The following CLDN16 variants were observed in gnomAD, a reference collection of about 807,000 sequenced individuals.
CLDN16 encodes the protein claudin 16.
Under a neutral mutation model 24.6 loss-of-function variants are expected in CLDN16, and 13 were observed. The ratio of observed to expected loss-of-function variants is 0.53; its 90% confidence interval spans 0.34 to 0.84. CLDN16 has a LOEUF of 0.84. Among genes scored for constraint, CLDN16 ranks in the 40% least tolerant of loss-of-function variants. The pLI, the probability that CLDN16 is intolerant of heterozygous loss-of-function variation, is 0.01. For missense variants in CLDN16, 298 were observed against 292.7 expected (o/e 1.02, Z -0.13); for synonymous variants, 116 against 106.7 (o/e 1.09, Z -0.54).
At chr3:190,321,506 T>A (rs1318932280), upstream of CLDN16, among the ~76,000 whole-genome samples, 1 of 152,146 alleles carries the variant, frequency 6.6e-6, no homozygotes, top group Non-Finnish European at 1.5e-5. Context: ...TATGAAAAAA[T>A]CATATTAAAG....
intron 1 of CLDN16, among the ~76,000 whole-genome samples, chr3:190,391,943 G>C (rs921128773): frequency 6.6e-6 from 1 of 151,688 alleles, no homozygotes. Context: ...TCAAGCGTAT[G>C]TTTGCATCTT....
chr3:190,392,621 C>T (rs1437756119), intron 1 of CLDN16, among the ~76,000 whole-genome samples: 1 of 152,120 alleles, frequency 6.6e-6, no homozygotes, highest in East Asian at 1.9e-4. Context: ...CTTGGATAAC[C>T]AGTGAAAGCT....
At chr3:190,319,717 T>C (rs1716867227), upstream of CLDN16, among the ~76,000 whole-genome samples, 1 of 152,218 alleles carries the variant, frequency 6.6e-6, no homozygotes, top group African/African-American at 2.4e-5. Flanking sequence ...ATGCAGCTTT[T>C]TTCTGAGTGA....
intron 1 of CLDN16, 119 bp downstream of exon 1, chr3:190,388,562 C>T (rs1718569707): frequency 9.5e-6 from 8 of 842,998 alleles, no homozygotes; most frequent in South Asian, 5.3e-5. Context: ...AAATAGGCAA[C>T]ATGGACTATT....
At chr3:190,342,684 C>T (rs1236504403) in intron 1 of CLDN16, among the ~76,000 whole-genome samples, 1 of 152,148 alleles carries the variant, frequency 6.6e-6, no homozygotes, top group African/African-American at 2.4e-5. Flanking sequence ...AACTAATTTT[C>T]ACCATAGATA....
At position 190,411,928 on chromosome 3, in the gene CLDN16, G is replaced by A. The variant is rs969512543; in HGVS notation, c.*1892G>A. On this transcript the variant is annotated 3_prime_UTR_variant, in exon 5 of 5. Coordinates refer to ENST00000264734, the MANE Select transcript of CLDN16 (RefSeq NM_006580.4). ...ATTCCCATTTTTATTTTATACTATTGTCTGTCATGCTTTATGTATTCCAAT... is the reference window on the plus strand; with the variant it reads ...ATTCCCATTTTTATTTTATACTATTATCTGTCATGCTTTATGTATTCCAAT... 1 of 151,682 alleles carries A rather than the reference G, an allele frequency of 6.6e-6. No homozygotes were observed. Among genetic ancestry groups the A allele is most frequent in the African/African-American group, 2.4e-5 (1 of 41,304 alleles). The allele number at this position is 151,682 out of a possible 1,614,324, so 9.4% of individuals were successfully genotyped here. A position where few individuals can be genotyped will look rare whatever the true frequency, so the allele number is the denominator to read the frequency against.
chr3:190,409,491 ATT>A (rs898839858), intron 4 of CLDN16, among the ~76,000 whole-genome samples: 1 of 152,012 alleles, frequency 6.6e-6, no homozygotes, highest in African/African-American at 2.4e-5. Flanking sequence ...ATATATATAT[ATT>A]TTGATGTATT....
intron 1 of CLDN16, among the ~76,000 whole-genome samples, chr3:190,367,936 C>T (rs1380424748): frequency 6.6e-6 from 1 of 151,898 alleles, no homozygotes; most frequent in African/African-American, 2.4e-5. Context: ...ATTACATTCC[C>T]ATAATCTTTC....
At chr3:190,400,321 A>C (rs1560097321) in intron 1 of CLDN16, among the ~76,000 whole-genome samples, 1 of 151,984 alleles carries the variant, frequency 6.6e-6, no homozygotes, top group Non-Finnish European at 1.5e-5. Context: ...TCACTGCAAC[A>C]TCCGACTCAG....
At chr3:190,363,556 GTATATATATATATATA>G (rs1221514630) in intron 1 of CLDN16, among the ~76,000 whole-genome samples, 9 of 87,430 alleles carry the variant, frequency 1.0e-4, no homozygotes, top group African/African-American at 3.3e-4. Flanking sequence ...GTGTGTGTGT[GTATATATATATATATA>G]TATATATATA....
chr3:190,363,556 GTATATATATATATATATATA>G (rs1221514630), intron 1 of CLDN16, among the ~76,000 whole-genome samples: 7 of 87,430 alleles, frequency 8.0e-5, no homozygotes, highest in African/African-American at 3.3e-4. Flanking sequence ...GTGTGTGTGT[GTATATATATATATATATATA>G]TATATATATA....
At chr3:190,387,993 G>A, upstream of CLDN16, 3 of 861,138 alleles carry the variant, frequency 3.5e-6, no homozygotes, top group Non-Finnish European at 3.7e-6. Context: ...CTGGCACTTG[G>A]TCTGGTGACC....
At chr3:190,364,890 G>A (rs140840677) in intron 1 of CLDN16, among the ~76,000 whole-genome samples, 5 of 151,254 alleles carry the variant, frequency 3.3e-5, no homozygotes, top group East Asian at 2.0e-4. Flanking sequence ...TCAAAACTTC[G>A]CTGACATGGC....
At chr3:190,345,884 T>A (rs1402910913) in intron 1 of CLDN16, among the ~76,000 whole-genome samples, 2 of 152,160 alleles carry the variant, frequency 1.3e-5, no homozygotes, top group African/African-American at 4.8e-5. Flanking sequence ...TTACATTGTA[T>A]TGAAATAATC....
intron 2 of CLDN16, among the ~76,000 whole-genome samples, chr3:190,373,840 T>A (rs981991004): frequency 1.1e-4 from 6 of 56,134 alleles, no homozygotes; most frequent in African/African-American, 4.6e-4. Flanking sequence ...AATGTGCCCA[T>A]ATTAAAAAAA....
chr3:190,338,122 C>T (rs1221112231), intron 1 of CLDN16, among the ~76,000 whole-genome samples: 1 of 152,050 alleles, frequency 6.6e-6, no homozygotes, highest in Non-Finnish European at 1.5e-5. Flanking sequence ...GAAATAGTAG[C>T]CCTACTTCAC....
chr3:190,384,955 T>C (rs569291870), upstream of CLDN16, among the ~76,000 whole-genome samples: 35 of 152,324 alleles, frequency 2.3e-4, no homozygotes, highest in Non-Finnish European at 4.0e-4. Context: ...TTCTAACTAA[T>C]ATGCCTATAT....
At chr3:190,408,220 A>G in intron 3 of CLDN16, 94 bp from the exon 4 acceptor site, 1 of 1,251,226 alleles carries the variant, frequency 8.0e-7, no homozygotes, top group Non-Finnish European at 1.2e-6. Context: ...ACCTCTCTGA[A>G]TCACGCCAGC....
rs773999256 is a variant in CLDN16, at chr3:190,402,409, G to C, written c.187G>C (p.Glu63Gln). The part of the protein sequence containing the change: ...NAFDGIRTCD[E>Q]YDSILAEHPL... ...TTTTGATGGGATTCGCACCTGTGAT[G>C]AGTACGATTCCATACTTGCGGAGCA... is the stretch of plus-strand genomic sequence containing the variant. Residue 63 changes from glutamate to glutamine, a missense_variant, in exon 2 of 5, where the codon GAG becomes CAG. Coordinates refer to ENST00000264734, the MANE Select transcript of CLDN16 (RefSeq NM_006580.4). The C allele has an allele frequency of 6.2e-7, 1 of 1,613,896 alleles. No homozygotes were observed. The highest frequency in any genetic ancestry group is 8.5e-7 in the Non-Finnish European group (1 of 1,179,902).
Sources: allele counts gnomAD v4.1 joint callset (sites outside exome capture counted in the v4.1 genomes callset), GRCh38; gene constraint gnomAD v4.1.1; transcripts MANE v1.5; gene names NCBI Gene and HGNC (gene_info 2026-07-23, HGNC 2026-07-21).